TYW1: variants seen among roughly 807,000 people sequenced by gnomAD.
TYW1 encodes S-adenosyl-L-methionine-dependent tRNA 4-demethylwyosine synthase TYW1.
A neutral mutation model predicts 96.2 loss-of-function variants in TYW1; 46 were observed. The ratio of observed to expected loss-of-function variants is 0.48; its 90% CI spans 0.38 to 0.61. The LOEUF (loss-of-function observed/expected upper bound fraction) is 0.61, where lower values mean the gene tolerates loss of function less well. Ranked by LOEUF, TYW1 falls within the 20% of genes least tolerant of loss-of-function variation. TYW1 has a pLI of 0.00. For missense variants in TYW1, 684 were observed against 909.6 expected, an observed-to-expected ratio of 0.75 and a Z score of 3.19; for synonymous variants, 274 against 323.0, an observed-to-expected ratio of 0.85 and a Z score of 1.63.
intron 7 of TYW1, among the ~76,000 whole-genome samples, chr7:67,042,645 T>A (rs755192392): frequency 4.6e-5 from 7 of 151,924 alleles, no homozygotes; most frequent in Non-Finnish European, 8.8e-5. Context: ...TGTGATTTGA[T>A]TGAATTGGAG....
chr7:67,181,788 A>G (rs552799079), intron 13 of TYW1, among the ~76,000 whole-genome samples: 20 of 152,170 alleles, frequency 1.3e-4, no homozygotes, highest in Non-Finnish European at 2.5e-4. Flanking sequence ...TCCTGCACCT[A>G]CTCAAGGGGT....
chr7:67,070,314 A>AT (rs1795994608), intron 10 of TYW1, among the ~76,000 whole-genome samples: 1 of 152,064 alleles, frequency 6.6e-6, no homozygotes, highest in Non-Finnish European at 1.5e-5. Flanking sequence ...ATTTCTTCAC[A>AT]TGTTCTTTCT....
intron 7 of TYW1, among the ~76,000 whole-genome samples, chr7:67,042,703 A>G (rs1795068384): frequency 6.6e-6 from 1 of 152,044 alleles, no homozygotes; most frequent in Non-Finnish European, 1.5e-5. Context: ...GTGTAGGTTT[A>G]AAATATTAGG....
intron 9 of TYW1, among the ~76,000 whole-genome samples, chr7:67,065,445 T>C (rs959429305): frequency 1.3e-5 from 2 of 152,246 alleles, no homozygotes; most frequent in African/African-American, 2.4e-5. Flanking sequence ...GTTTCTCTAG[T>C]GGCATGAGAT....
intron 7 of TYW1, among the ~76,000 whole-genome samples, chr7:67,042,670 T>G (rs1293600074): frequency 6.6e-6 from 1 of 151,692 alleles, no homozygotes; most frequent in East Asian, 1.9e-4. Context: ...GGTTAGCGGG[T>G]GTGGGGAGAG....
At chr7:67,089,128 G>C in intron 11 of TYW1, 1 of 428,976 alleles carries the variant, frequency 2.3e-6, no homozygotes, top group East Asian at 3.5e-5. Flanking sequence ...CAGGGACAGG[G>C]GACCAGGGGA....
intron 11 of TYW1, among the ~76,000 whole-genome samples, chr7:67,090,526 A>C (rs1479777084): frequency 6.6e-6 from 1 of 152,182 alleles, no homozygotes; most frequent in African/African-American, 2.4e-5. Context: ...TGCTGACTGT[A>C]ATTGTGATTA....
At chr7:67,065,844 C>G (rs1795842633) in intron 9 of TYW1, among the ~76,000 whole-genome samples, 1 of 152,032 alleles carries the variant, frequency 6.6e-6, no homozygotes, top group Non-Finnish European at 1.5e-5. Context: ...AACCCTGTAT[C>G]TACAAAAAAT....
intron 15 of TYW1, among the ~76,000 whole-genome samples, chr7:67,219,852 T>G (rs1801325713): frequency 7.6e-6 from 1 of 132,248 alleles, no homozygotes; most frequent in African/African-American, 2.6e-5. Flanking sequence ...TGGGTTTTTT[T>G]TTTTTTTTTC....
intron 15 of TYW1, among the ~76,000 whole-genome samples, chr7:67,229,830 G>C (rs1801690351): frequency 6.6e-6 from 1 of 152,160 alleles, no homozygotes; most frequent in Non-Finnish European, 1.5e-5. Context: ...GGCATGCACT[G>C]TAGTCCCAGC....
intron 8 of TYW1, among the ~76,000 whole-genome samples, chr7:67,051,055 C>T (rs993904564): frequency 6.6e-6 from 1 of 152,072 alleles, no homozygotes; most frequent in Non-Finnish European, 1.5e-5. Context: ...CCATGCTCAG[C>T]TAATTTTTTT....
chr7:67,170,566 T>C (rs1257867898), intron 13 of TYW1, among the ~76,000 whole-genome samples: 2 of 152,236 alleles, frequency 1.3e-5, no homozygotes, highest in Non-Finnish European at 2.9e-5. Context: ...TGGCATTTCA[T>C]ACATTTACAG....
At chr7:67,211,604 A>G (rs535840949) in intron 15 of TYW1, among the ~76,000 whole-genome samples, 9 of 152,272 alleles carry the variant, frequency 5.9e-5, no homozygotes, top group Middle Eastern at 3.4e-3. Context: ...GTCTATACCT[A>G]TATTCAAGTG....
chr7:67,234,955 TA>T (rs3070651), intron 15 of TYW1, among the ~76,000 whole-genome samples: 336 of 146,454 alleles, frequency 2.3e-3, no homozygotes, highest in Admixed American at 2.4e-3. Flanking sequence ...GTAGGTATGG[TA>T]AAAAAAAAAA....
intron 13 of TYW1, among the ~76,000 whole-genome samples, chr7:67,132,544 C>T (rs1406047628): frequency 3.3e-5 from 5 of 151,976 alleles, no homozygotes; most frequent in Non-Finnish European, 1.5e-5. Context: ...TAATTTTTGA[C>T]CATTTTTTTA....
At chr7:67,069,379 A>G (rs1795965563) in intron 10 of TYW1, among the ~76,000 whole-genome samples, 1 of 152,148 alleles carries the variant, frequency 6.6e-6, no homozygotes, top group African/African-American at 2.4e-5. Flanking sequence ...ATTAACATAG[A>G]TTTATAATTG....
chr7:67,000,948 TGTTAA>T (rs1417184591), intron 3 of TYW1, among the ~76,000 whole-genome samples: 2 of 152,006 alleles, frequency 1.3e-5, no homozygotes, highest in Non-Finnish European at 2.9e-5. Flanking sequence ...GAAGGTCAGT[TGTTAA>T]GTTAAACCTT....
At position 66,996,869 on chromosome 7, in the gene TYW1, C is replaced by G; in HGVS notation, c.-110C>G. 2.5e-6 allele frequency: 4 copies of G among 1,582,220 alleles called. No homozygotes were observed. Among genetic ancestry groups the G allele is most frequent in the Non-Finnish European group, 3.4e-6 (4 of 1,163,042 alleles). ...ATGGCTGCCCACAGGTCTGCAGGCACTCGGTACGCCGCTAACGCGGCGAGG... is the reference window on the plus strand; with the variant it reads ...ATGGCTGCCCACAGGTCTGCAGGCAGTCGGTACGCCGCTAACGCGGCGAGG... On this transcript the variant is annotated 5_prime_UTR_variant, in exon 1 of 16. Transcript: ENST00000359626.
intron 1 of TYW1, 40 bp from the exon 2 acceptor site, chr7:66,998,025 G>A (rs763765904): frequency 3.9e-6 from 6 of 1,551,466 alleles, no homozygotes; most frequent in South Asian, 1.2e-5. Flanking sequence ...CTTTGTATAT[G>A]TAGCTTTAAA....
Sources: allele counts gnomAD v4.1 joint callset (sites outside exome capture counted in the v4.1 genomes callset), GRCh38; gene constraint gnomAD v4.1.1; transcripts MANE v1.5; gene names NCBI Gene and HGNC (gene_info 2026-07-23, HGNC 2026-07-21).